The following IKZF2 variants were observed in gnomAD, a reference collection of about 807,000 sequenced individuals.
IKZF2 encodes the protein IKAROS family zinc finger 2.
A neutral mutation model predicts 49.2 loss-of-function variants in IKZF2; 15 were observed. The ratio of observed to expected loss-of-function variants is 0.30; its 90% confidence interval spans 0.20 to 0.47. The LOEUF (loss-of-function observed/expected upper bound fraction) is 0.47, where lower values mean the gene tolerates loss of function less well. Ranked by LOEUF, IKZF2 falls within the 20% of genes least tolerant of loss-of-function variation. IKZF2 has a pLI of 1.00. For missense variants in IKZF2, 567 were observed against 664.6 expected (o/e 0.85, Z 1.61); for synonymous variants, 227 against 221.4 (o/e 1.03, Z -0.23).
chr2:213,148,722 C>A, intron 2 of IKZF2, 78 bp from the exon 3 acceptor site: 1 of 1,244,052 alleles, frequency 8.0e-7, no homozygotes, highest in Non-Finnish European at 1.2e-6. Flanking sequence ...TTATTTGAAG[C>A]TCCAAGCAGT....
intron 4 of IKZF2, among the ~76,000 whole-genome samples, chr2:213,076,656 A>G (rs1703295937): frequency 6.6e-6 from 1 of 152,230 alleles, no homozygotes; most frequent in African/African-American, 2.4e-5. Context: ...CCTATACTTA[A>G]TACCATGGAA....
At chr2:213,022,825 A>C (rs1331642385) in intron 6 of IKZF2, among the ~76,000 whole-genome samples, 1 of 152,134 alleles carries the variant, frequency 6.6e-6, no homozygotes, top group Non-Finnish European at 1.5e-5. Context: ...TGACAGTAAT[A>C]TTTTCCAAAA....
chr2:213,025,508 G>T (rs10048743), intron 6 of IKZF2, among the ~76,000 whole-genome samples: 119,215 of 152,026 alleles, frequency 0.78, 47,696 homozygotes, highest in Middle Eastern at 0.88. Flanking sequence ...ATTAACCATC[G>T]GATACCTATT....
rs943950040 is a variant in IKZF2 at position 213,000,656 on chromosome 2, T to C, written c.*6704A>G. ...AAAATACCTCTTACTTAAATTTGTA[T>C]GAAAACAGGACTGCTCCAAATATTT... On this transcript the variant is annotated 3_prime_UTR_variant, in exon 9 of 9. Transcript: ENST00000434687. 2 of 145,384 alleles carry C rather than the reference T, an allele frequency of 1.4e-5. No individual in the cohort carries two copies. Among genetic ancestry groups the C allele is most frequent in the Non-Finnish European group, 3.1e-5 (2 of 65,478 alleles). 9.0% of individuals were successfully genotyped at this position (145,384 alleles called of 1,614,324 possible).
At chr2:213,119,793 C>A (rs961882846) in intron 4 of IKZF2, among the ~76,000 whole-genome samples, 6 of 152,120 alleles carry the variant, frequency 3.9e-5, no homozygotes, top group Non-Finnish European at 8.8e-5. Flanking sequence ...TGCATAAGGG[C>A]ATGTGATATC....
intron 4 of IKZF2, among the ~76,000 whole-genome samples, chr2:213,141,740 C>T (rs1325545593): frequency 6.6e-6 from 1 of 151,926 alleles, no homozygotes; most frequent in East Asian, 1.9e-4. Flanking sequence ...TATTTAATGT[C>T]TGTCTGTCCC....
At position 213,003,026 on chromosome 2, in the gene IKZF2, CCTTTT is replaced by C. The variant is rs945618647; in HGVS notation, c.*4329_*4333del. 2 of 151,892 alleles carry C rather than the reference CCTTTT, an allele frequency of 1.3e-5. No homozygotes were observed. The highest frequency in any genetic ancestry group is 3.0e-5 in the Non-Finnish European group (2 of 67,570). 9.4% of individuals were successfully genotyped at this position (151,892 alleles called of 1,614,324 possible). A position where few individuals can be genotyped will look rare whatever the true frequency, so the allele number is the denominator to read the frequency against. On this transcript the variant is annotated 3_prime_UTR_variant, in exon 9 of 9. Coordinates refer to ENST00000434687, the MANE Select transcript of IKZF2 (RefSeq NM_001387220.1). ...AAGTCTAGTTTCAAAGTTTCCTTTTCCTTTTAACAGCTGAGCTGAAAATTTCTCTA... is the reference window on the plus strand; with the variant it reads ...AAGTCTAGTTTCAAAGTTTCCTTTTCAACAGCTGAGCTGAAAATTTCTCTA...
At chr2:213,063,827 AT>A (rs1373321784) in intron 4 of IKZF2, among the ~76,000 whole-genome samples, 1 of 152,048 alleles carries the variant, frequency 6.6e-6, no homozygotes, top group African/African-American at 2.4e-5. Flanking sequence ...TTACATTAGT[AT>A]TATATTTAGG....
intron 2 of IKZF2, among the ~76,000 whole-genome samples, chr2:213,149,605 C>A (rs2061203269): frequency 6.6e-6 from 1 of 152,042 alleles, no homozygotes; most frequent in South Asian, 2.1e-4. Flanking sequence ...TCTCACTGCA[C>A]CAGCAGCTAA....
In IKZF2 at chr2:213,007,730, C is replaced by A. The variant is rs777751998; in HGVS notation, c.1211G>T (p.Cys404Phe). 29 of 1,613,702 alleles carry A rather than the reference C, an allele frequency of 1.8e-5. No homozygotes were observed. The highest frequency in any genetic ancestry group is 3.3e-4 in the Middle Eastern group (2 of 6,052). ...GCTTTCTGAGTCAGTGGAATCCAGG[C>A]AGCTATTGCTGGGAGAGGCCTCTCT... ...QEREASPSNS[C>F]LDSTDSESSH... The change falls in exon 9 of 9, where the codon TGC becomes TTC. Residue 404 changes from cysteine (C) to phenylalanine (F), a missense_variant. Physicochemically the swap from Cys to Phe is radical, Grantham distance 205. Coordinates refer to ENST00000434687, the MANE Select transcript of IKZF2 (RefSeq NM_001387220.1).
At position 213,149,777 on chromosome 2, in the gene IKZF2, ACC is replaced by A. The variant is rs112304660; in HGVS notation, c.-16+365_-16+366del. Reference sequence around the variant, plus strand: ...CCCTTCTTCACCACCACACTCCCTTACCCCCCCCCCAAAAAAAAACTTTTATT... The same window carrying A: ...CCCTTCTTCACCACCACACTCCCTTACCCCCCCCAAAAAAAAACTTTTATT... On this transcript the variant is annotated intron_variant, in intron 2 of 8. Coordinates refer to ENST00000434687, the MANE Select transcript of IKZF2 (RefSeq NM_001387220.1). Among the ~76,000 whole-genome samples, 62 of 98,208 alleles carry A rather than the reference ACC, an allele frequency of 6.3e-4. No homozygotes were observed. The Middle Eastern group carries it at 0.015, about 23-fold the overall frequency. The allele number at this position is 98,208 out of a possible 152,430, so 64.4% of individuals were successfully genotyped here.
intron 4 of IKZF2, among the ~76,000 whole-genome samples, chr2:213,140,000 T>C (rs1310526878): frequency 6.6e-6 from 1 of 151,964 alleles, no homozygotes; most frequent in African/African-American, 2.4e-5. Flanking sequence ...ACCATCCTTC[T>C]CTAGAAAACA....
chr2:213,110,961 T>C (rs570192402), intron 4 of IKZF2, among the ~76,000 whole-genome samples: 4 of 152,142 alleles, frequency 2.6e-5, no homozygotes, highest in East Asian at 3.9e-4. Flanking sequence ...TTTAACCAAA[T>C]TTCTATTAGA....
rs754628466 is a variant in IKZF2, at chr2:213,007,501, G to A, written c.1440C>T (p.Phe480=). 1.2e-6 allele frequency: 2 copies of A among 1,613,718 alleles called. No homozygotes were observed. The highest frequency in any genetic ancestry group is 1.7e-6 in the Non-Finnish European group (2 of 1,179,724). The change falls in exon 9 of 9, where the codon TTC becomes TTT. Residue 480 remains phenylalanine, a synonymous_variant. Coordinates refer to ENST00000434687, the MANE Select transcript of IKZF2 (RefSeq NM_001387220.1). ...GAATGGTGTACATGACATGGTCTAG[G>A]AAAAGGACTCGGCAGTGCTCACACT... The part of the protein sequence containing the change: ...AFKCEHCRVL[F]LDHVMYTIHM...
At chr2:213,034,764 A>G (rs1018407813) in intron 6 of IKZF2, among the ~76,000 whole-genome samples, 7 of 152,226 alleles carry the variant, frequency 4.6e-5, no homozygotes, top group Non-Finnish European at 8.8e-5. Context: ...TGACAGAGAG[A>G]CATGAGGTGA....
rs1314297028 is a variant in IKZF2 at position 213,001,548 on chromosome 2, C to G, written c.*5812G>C. On this transcript the variant is annotated 3_prime_UTR_variant, in exon 9 of 9. Transcript: ENST00000434687. ...TACTATTTTTAATCCAACCACTTTT[C>G]TTTTTAATAGAAAACTACACTTGAG... The G allele has an allele frequency of 6.6e-6, 1 of 151,334 alleles. No homozygotes were observed. The highest frequency in any genetic ancestry group is 2.4e-5 in the African/African-American group (1 of 41,344). 9.4% of individuals were successfully genotyped at this position (151,334 alleles called of 1,614,324 possible).
At chr2:213,010,402 T>C (rs11676331) in intron 8 of IKZF2, among the ~76,000 whole-genome samples, 73,151 of 151,886 alleles carry the variant, frequency 0.48, 20,576 homozygotes, top group East Asian at 0.8. Flanking sequence ...GCCCCATGTT[T>C]AGGGAGCCCT....
chr2:213,008,250 GCT>G (rs1446351166), intron 8 of IKZF2, among the ~76,000 whole-genome samples, 166 bp from the exon 9 acceptor site: 1 of 151,400 alleles, frequency 6.6e-6, no homozygotes, highest in Non-Finnish European at 1.5e-5. Context: ...TTCTGCTGAT[GCT>G]CACACACATT....
intron 6 of IKZF2, among the ~76,000 whole-genome samples, chr2:213,043,733 G>A (rs35409523): frequency 0.075 from 11,459 of 152,164 alleles, 673 homozygotes; most frequent in South Asian, 0.28. Context: ...AATAGGGTGC[G>A]TGCCTATGAG....
Sources: gnomAD v4.1 joint callset for allele counts (sites outside exome capture counted in the v4.1 genomes callset) on GRCh38, gnomAD v4.1.1 for gene constraint, MANE v1.5 for transcripts, NCBI Gene and HGNC (gene_info 2026-07-23, HGNC 2026-07-21) for gene names.